Variants in ANK2 observed in about 807,000 individuals in gnomAD.
ANK2 encodes ankyrin 2.
Under a neutral mutation model 360.5 loss-of-function variants are expected in ANK2, and 83 were observed. The ratio of observed to expected loss-of-function variants is 0.23; its 90% CI spans 0.19 to 0.28. The LOEUF is 0.28. ANK2 is among the 10% of genes least tolerant of loss of function. The pLI is 1.00. For missense variants in ANK2, 4,201 were observed against 4,795.7 expected, an observed-to-expected ratio of 0.88 and a Z score of 3.66; for synonymous variants, 1,740 against 1,759.5, an observed-to-expected ratio of 0.99 and a Z score of 0.28.
the ANK2 span, among the ~76,000 whole-genome samples, chr4:112,709,539 C>G: frequency 0.15 from 22,948 of 151,944 alleles, 1,810 homozygotes; most frequent in East Asian, 0.27. Flanking sequence ...GCCTGAGATC[C>G]GGAGTTCGAG....
intron 22 of ANK2, 28 bp downstream of exon 22, chr4:113,293,566 G>C: frequency 6.3e-7 from 1 of 1,581,916 alleles, no homozygotes; most frequent in Non-Finnish European, 8.7e-7. Flanking sequence ...ACTAGCTTCA[G>C]CCCTGTTATT....
the ANK2 span, among the ~76,000 whole-genome samples, chr4:112,756,555 A>G: frequency 6.6e-6 from 1 of 152,226 alleles, no homozygotes; most frequent in Non-Finnish European, 1.5e-5. Flanking sequence ...CAAATTAATA[A>G]TCCACATGTT....
At chr4:112,706,136 C>A in the ANK2 span, among the ~76,000 whole-genome samples, 1 of 151,590 alleles carries the variant, frequency 6.6e-6, no homozygotes, top group Non-Finnish European at 1.5e-5. Flanking sequence ...AAACCCGGAG[C>A]CGCAGGAAGA....
intron 11 of ANK2, 107 bp from the exon 12 acceptor site, chr4:113,257,943 G>A: frequency 3.7e-6 from 4 of 1,093,632 alleles, no homozygotes; most frequent in Non-Finnish European, 5.6e-6. Flanking sequence ...TGAAGAAATG[G>A]TAACATTATG....
intron 2 of ANK2, among the ~76,000 whole-genome samples, chr4:112,977,671 A>G (rs979430324): frequency 6.6e-6 from 1 of 151,794 alleles, no homozygotes; most frequent in Non-Finnish European, 1.5e-5. Context: ...CTATCAACCC[A>G]TCATCTAGGT....
intron 2 of ANK2, among the ~76,000 whole-genome samples, chr4:112,997,795 C>CAT (rs1383656625): frequency 6.7e-6 from 1 of 148,422 alleles, no homozygotes; most frequent in Non-Finnish European, 1.5e-5. Context: ...ATGACTTAAA[C>CAT]ATATATACAC....
chr4:113,293,410 C>CTCACTCTCTCTCTT (rs2068963833), intron 21 of ANK2, 30 bp from the exon 22 acceptor site: 1 of 1,588,962 alleles, frequency 6.3e-7, no homozygotes, highest in Non-Finnish European at 8.6e-7. Context: ...TCTCTTATTT[C>CTCACTCTCTCTCTT]TCACTCTCTC....
In ANK2 at chr4:113,355,356, C is replaced by G. The variant is rs1352500725; in HGVS notation, c.6738C>G (p.Ser2246Arg). The G allele has an allele frequency of 1.2e-6, 2 of 1,613,876 alleles. No homozygotes were observed. Among genetic ancestry groups the G allele is most frequent in the East Asian group, 4.5e-5 (2 of 44,866 alleles). The change falls in exon 38 of 46, where the codon AGC becomes AGG. Residue 2246 changes from serine to arginine, a missense_variant. By Grantham distance (110) the Ser-to-Arg change is moderately radical. Coordinates refer to ENST00000357077, the MANE Select transcript of ANK2 (RefSeq NM_001148.6). Reference protein sequence around the residue: ...LAETPETSPESLSFSPKKSEE... With the variant: ...LAETPETSPERLSFSPKKSEE... ...AGACCCCTGAGACGAGCCCAGAAAG[C>G]CTTTCTTTCTCACCAAAGAAAAGTG...
intron 2 of ANK2, among the ~76,000 whole-genome samples, chr4:112,913,502 G>C (rs1483343772): frequency 6.6e-6 from 1 of 152,040 alleles, no homozygotes; most frequent in East Asian, 1.9e-4. Context: ...TTAATACTGT[G>C]TTTCTGATCA....
chr4:113,092,074 A>G (rs7682194), intron 1 of ANK2, among the ~76,000 whole-genome samples: 19,106 of 150,010 alleles, frequency 0.13, 1,552 homozygotes, highest in African/African-American at 0.23. Context: ...ACAAAATCAT[A>G]TATTTCCATT....
intron 2 of ANK2, among the ~76,000 whole-genome samples, chr4:113,188,366 A>G (rs1034347216): frequency 6.6e-6 from 1 of 152,180 alleles, no homozygotes; most frequent in African/African-American, 2.4e-5. Context: ...CTCCTTAAGC[A>G]TCCACTCTGC....
intron 2 of ANK2, among the ~76,000 whole-genome samples, chr4:112,987,369 C>G (rs532193547): frequency 6.6e-5 from 10 of 152,284 alleles, no homozygotes; most frequent in Admixed American, 1.3e-4. Flanking sequence ...CTGGGAGACA[C>G]GGGCAGGAGA....
At chr4:113,161,695 CGTGTGTGTGTGTGT>C (rs56162406) in intron 1 of ANK2, among the ~76,000 whole-genome samples, 21,002 of 144,776 alleles carry the variant, frequency 0.15, 1,534 homozygotes, top group Non-Finnish European at 0.18. Context: ...GTTTTAGTCT[CGTGTGTGTGTGTGT>C]GTGTGTGTGT....
intron 26 of ANK2, chr4:113,323,937 A>G (rs1334950663): frequency 1.5e-6 from 1 of 649,960 alleles, no homozygotes; most frequent in Non-Finnish European, 2.4e-6. Context: ...ATGTTCTCCA[A>G]ATTGTGGCTA....
chr4:112,789,240 A>G, the ANK2 span, among the ~76,000 whole-genome samples: 1 of 152,326 alleles, frequency 6.6e-6, no homozygotes, highest in South Asian at 2.1e-4. Context: ...GTCTTAGATG[A>G]GCTGAAGCCT....
In ANK2 at chr4:113,355,560, C is replaced by A. The variant is rs764337500; in HGVS notation, c.6942C>A (p.Gly2314=). ...GTTTTCAGAAAGAGGCCACTCTAGG[C>A]TCTCCCAAAGACACAAGCCCTAAAA... ...TESFQKEATL[G]SPKDTSPKRQ... is the part of the protein sequence containing the mutation. Residue 2314 remains glycine (G), a synonymous_variant, in exon 38 of 46, where the codon GGC becomes GGA. Coordinates refer to ENST00000357077, the MANE Select transcript of ANK2 (RefSeq NM_001148.6). The A allele has an allele frequency of 1.2e-6, 2 of 1,614,100 alleles. No individual in the cohort carries two copies. The highest frequency in any genetic ancestry group is 1.1e-5 in the South Asian group (1 of 91,082).
At position 113,072,953 on chromosome 4, in the gene ANK2, CTTTTTT is replaced by C. The variant is rs77468290; in HGVS notation, c.84+23162_84+23167del. On this transcript the variant is annotated intron_variant, in intron 1 of 45. Coordinates refer to ENST00000357077, the MANE Select transcript of ANK2 (RefSeq NM_001148.6). ...CTCGACTCTGTCACAAGGACAGTGT[CTTTTTT>C]TTTTTTTTTTTTTTTTTTTTGAGGG... Among the ~76,000 whole-genome samples, 96 of 59,402 alleles carry C rather than the reference CTTTTTT, an allele frequency of 1.6e-3. 1 individual carries two copies. Among genetic ancestry groups the C allele is most frequent in the African/African-American group, 7.0e-3 (92 of 13,096 alleles). 39.0% of individuals were successfully genotyped at this position (59,402 alleles called of 152,430 possible). A position where few individuals can be genotyped will look rare whatever the true frequency, so the allele number is the denominator to read the frequency against.
intron 2 of ANK2, among the ~76,000 whole-genome samples, chr4:112,964,578 T>TC (rs1015985246): frequency 3.3e-5 from 5 of 150,888 alleles, no homozygotes; most frequent in Non-Finnish European, 7.4e-5. Flanking sequence ...TTTTTCTTTT[T>TC]TTTTTTTTTT....
chr4:112,710,228 T>G, the ANK2 span, among the ~76,000 whole-genome samples: 1 of 152,240 alleles, frequency 6.6e-6, no homozygotes, highest in Non-Finnish European at 1.5e-5. Flanking sequence ...TACTTTGCAA[T>G]CACTGTTACT....
Sources: gnomAD v4.1 joint callset for allele counts (sites outside exome capture counted in the v4.1 genomes callset) on GRCh38, gnomAD v4.1.1 for gene constraint, MANE v1.5 for transcripts, NCBI Gene and HGNC (gene_info 2026-07-23, HGNC 2026-07-21) for gene names.